Variants in EVA1C observed in about 807,000 individuals in gnomAD.
The protein encoded by EVA1C is eva-1 homolog C, also known as protein eva-1 homolog C.
A neutral mutation model predicts 45.4 loss-of-function variants in EVA1C; 25 were observed. The observed-to-expected ratio is 0.55, with a 90% CI of 0.40 to 0.77. The LOEUF (loss-of-function observed/expected upper bound fraction) is 0.77, where lower values mean the gene tolerates loss of function less well. Among genes scored for constraint, EVA1C ranks in the 30% least tolerant of loss-of-function variants. EVA1C has a pLI of 0.00. For missense variants in EVA1C, 479 were observed against 554.8 expected (o/e 0.86, Z 1.37); for synonymous variants, 190 against 221.2 (o/e 0.86, Z 1.25).
chr21:32,413,658 A>C (rs528025435), intron 1 of EVA1C, among the ~76,000 whole-genome samples: 3 of 152,226 alleles, frequency 2.0e-5, no homozygotes, highest in Non-Finnish European at 4.4e-5. Flanking sequence ...CTTTTTGGGA[A>C]TCGTGATCCA....
chr21:32,515,317 C>A lies in EVA1C; in HGVS notation c.*127C>A. ...GTCATGTCATTCAACACTCGTGAGG[C>A]CAGGAAGCTATTAAAGGGATGTTTC... On this transcript the variant is annotated 3_prime_UTR_variant, in exon 8 of 8. Coordinates refer to ENST00000300255, the MANE Select transcript of EVA1C (RefSeq NM_058187.5). 3 of 1,032,464 alleles carry A rather than the reference C, an allele frequency of 2.9e-6. No individual in the cohort carries two copies. The highest frequency in any genetic ancestry group is 4.2e-6 in the Non-Finnish European group (3 of 718,888). 64.0% of individuals were successfully genotyped at this position (1,032,464 alleles called of 1,614,324 possible). A position where few individuals can be genotyped will look rare whatever the true frequency, so the allele number is the denominator to read the frequency against.
chr21:32,505,596 C>T (rs1191069063), intron 7 of EVA1C, among the ~76,000 whole-genome samples: 3 of 152,156 alleles, frequency 2.0e-5, no homozygotes, highest in South Asian at 2.1e-4. Context: ...ACAAAGTACC[C>T]GAGACCAGAT....
chr21:32,460,892 T>C (rs1008523297), intron 3 of EVA1C, among the ~76,000 whole-genome samples: 3 of 152,046 alleles, frequency 2.0e-5, no homozygotes, highest in African/African-American at 7.2e-5. Flanking sequence ...ATTATAGGCA[T>C]ACACCACCAC....
At chr21:32,511,057 CTATCTA>C (rs1568958728) in intron 7 of EVA1C, among the ~76,000 whole-genome samples, 5 of 151,546 alleles carry the variant, frequency 3.3e-5, no homozygotes, top group East Asian at 1.9e-4. Flanking sequence ...CTCTCTCTCT[CTATCTA>C]TATGTATACA....
At chr21:32,413,274 G>C (rs2033902401) in intron 1 of EVA1C, among the ~76,000 whole-genome samples, 1 of 152,250 alleles carries the variant, frequency 6.6e-6, no homozygotes. Flanking sequence ...CAATTTCCTA[G>C]CATTAGGGAC....
At chr21:32,460,483 T>C (rs916264715) in intron 3 of EVA1C, among the ~76,000 whole-genome samples, 1 of 152,172 alleles carries the variant, frequency 6.6e-6, no homozygotes, top group Non-Finnish European at 1.5e-5. Context: ...GTGAGCATGA[T>C]GAGAGCAGGA....
chr21:32,497,308 T>C (rs2037384913), intron 5 of EVA1C: 5 of 662,088 alleles, frequency 7.6e-6, no homozygotes, highest in Non-Finnish European at 1.3e-5. Flanking sequence ...TGGCAGAAAG[T>C]TGATATAGGT....
At position 32,514,818 on chromosome 21, in the gene EVA1C, C is replaced by T. The variant is rs1191634711; in HGVS notation, c.954C>T (p.His318=). 9 of 1,554,700 alleles carry T rather than the reference C, an allele frequency of 5.8e-6. No individual in the cohort carries two copies. Among genetic ancestry groups the T allele is most frequent in the Non-Finnish European group, 7.8e-6 (9 of 1,148,756 alleles). Residue 318 remains histidine, a synonymous_variant, in exon 8 of 8, where the codon CAC becomes CAT. Transcript: ENST00000300255. The part of the protein sequence containing the change: ...SLAAFAYIRA[H]PERAALLFVS... ...CATGTTCTCTTCCTCCTGCAGCCCA[C>T]CCGGAGAGAGCTGCCCTGCTGTTCG...
chr21:32,502,247 C>T (rs1381325685), intron 6 of EVA1C, among the ~76,000 whole-genome samples: 2 of 151,862 alleles, frequency 1.3e-5, no homozygotes, highest in East Asian at 3.9e-4. Context: ...TACAGGCGTC[C>T]ACCACCACAC....
At chr21:32,467,524 T>C (rs956169297) in intron 3 of EVA1C, among the ~76,000 whole-genome samples, 172 bp from the exon 4 acceptor site, 1 of 152,186 alleles carries the variant, frequency 6.6e-6, no homozygotes, top group Admixed American at 6.5e-5. Flanking sequence ...ACCCGCTTCC[T>C]GCAGAGGGCT....
intron 3 of EVA1C, among the ~76,000 whole-genome samples, chr21:32,459,375 T>C (rs2035912601): frequency 6.6e-6 from 1 of 152,198 alleles, no homozygotes; most frequent in Non-Finnish European, 1.5e-5. Context: ...GTCAACAGAC[T>C]CAGGAAATCA....
At chr21:32,493,112 T>A (rs1375197531) in intron 4 of EVA1C, among the ~76,000 whole-genome samples, 3 of 152,216 alleles carry the variant, frequency 2.0e-5, no homozygotes, top group Non-Finnish European at 2.9e-5. Context: ...ACTATACAAG[T>A]GCTGAGAGCA....
At chr21:32,478,744 A>G (rs1159580383) in intron 4 of EVA1C, among the ~76,000 whole-genome samples, 2 of 152,250 alleles carry the variant, frequency 1.3e-5, no homozygotes, top group Non-Finnish European at 2.9e-5. Context: ...CAGGCTTCAG[A>G]ATGTGCCCCC....
chr21:32,449,829 G>A lies in EVA1C; in HGVS notation c.161-3483G>A, dbSNP rs113897672. On this transcript the variant is annotated intron_variant, in intron 1 of 7. Transcript: ENST00000300255. ...GTAGAGACGGAATTTCACCATGTTGGCCAGGCTGGTCTCGAACCCCTGACC... is the reference window on the plus strand; with the variant it reads ...GTAGAGACGGAATTTCACCATGTTGACCAGGCTGGTCTCGAACCCCTGACC... 1.3e-4 allele frequency among the ~76,000 whole-genome samples: 20 copies of A among 152,050 alleles called. 1 individual carries two copies. Among genetic ancestry groups the A allele is most frequent in the Admixed American group, 6.5e-4 (10 of 15,274 alleles).
intron 1 of EVA1C, among the ~76,000 whole-genome samples, chr21:32,431,528 C>G (rs2034703875): frequency 6.6e-6 from 1 of 152,258 alleles, no homozygotes; most frequent in East Asian, 1.9e-4. Flanking sequence ...CTATGGATCT[C>G]TGGGTTGGGG....
chr21:32,493,750 G>A (rs1277400875), intron 4 of EVA1C: 1 of 151,152 alleles, frequency 6.6e-6, no homozygotes, highest in African/African-American at 2.4e-5. Flanking sequence ...CTTTCATCTG[G>A]GTAAAAAGCA....
chr21:32,465,426 C>T (rs553033650), intron 3 of EVA1C, among the ~76,000 whole-genome samples: 2 of 152,230 alleles, frequency 1.3e-5, no homozygotes, highest in African/African-American at 4.8e-5. Flanking sequence ...TTGCAGTTAA[C>T]GCCAATGCTT....
intron 5 of EVA1C, among the ~76,000 whole-genome samples, chr21:32,500,145 G>A (rs967394830): frequency 6.8e-6 from 1 of 147,434 alleles, no homozygotes; most frequent in African/African-American, 2.5e-5. Flanking sequence ...CAGTCATTTT[G>A]CTTTACTAAG....
chr21:32,486,404 C>T (rs1397980157), intron 4 of EVA1C, among the ~76,000 whole-genome samples: 1 of 152,186 alleles, frequency 6.6e-6, no homozygotes, highest in African/African-American at 2.4e-5. Flanking sequence ...GGATTACAGG[C>T]GTGAGCCACC....
Sources: allele counts gnomAD v4.1 joint callset (sites outside exome capture counted in the v4.1 genomes callset), GRCh38; gene constraint gnomAD v4.1.1; transcripts MANE v1.5; gene names NCBI Gene and HGNC (gene_info 2026-07-23, HGNC 2026-07-21).